OTUD7A: variants seen among roughly 807,000 people sequenced by gnomAD.
OTUD7A encodes OTU deubiquitinase 7A, also known as OTU domain-containing protein 7A.
OTUD7A carries 12 observed loss-of-function variants against 65.7 expected under a neutral mutation model. That is an observed-to-expected ratio of 0.18 (90% CI 0.12 to 0.30). OTUD7A has a LOEUF of 0.30. Ranked by LOEUF, OTUD7A falls within the 10% of genes least tolerant of loss-of-function variation. The pLI, the probability that OTUD7A is intolerant of heterozygous loss-of-function variation, is 1.00. For synonymous variants in OTUD7A, 641 were observed against 586.3 expected, an observed-to-expected ratio of 1.09 and a Z score of -1.35; for missense variants, 1,148 against 1,304.8, an observed-to-expected ratio of 0.88 and a Z score of 1.85.
At chr15:31,638,187 C>T (rs13380070) in intron 3 of OTUD7A, among the ~76,000 whole-genome samples, 16,430 of 151,914 alleles carry the variant, frequency 0.11, 2,416 homozygotes, top group African/African-American at 0.34. Flanking sequence ...CAGCAATCAC[C>T]ACCCTGATCA....
chr15:31,497,906 C>T (rs1778183994), intron 10 of OTUD7A, among the ~76,000 whole-genome samples: 1 of 152,204 alleles, frequency 6.6e-6, no homozygotes. Flanking sequence ...GGACCTAGAA[C>T]AGCCCTTGAG....
intron 1 of OTUD7A, among the ~76,000 whole-genome samples, chr15:31,748,544 T>C (rs995843333): frequency 2.6e-5 from 4 of 152,038 alleles, no homozygotes; most frequent in African/African-American, 9.7e-5. Context: ...ATGGGGTCCT[T>C]TGTGTCATTT....
At chr15:31,493,573 T>G (rs567063763) in intron 10 of OTUD7A, among the ~76,000 whole-genome samples, 1 of 152,370 alleles carries the variant, frequency 6.6e-6, no homozygotes, top group East Asian at 1.9e-4. Flanking sequence ...AGAGTATATA[T>G]TATTTTCAAA....
At chr15:31,627,809 T>G (rs1279789114) in intron 3 of OTUD7A, among the ~76,000 whole-genome samples, 2 of 152,364 alleles carry the variant, frequency 1.3e-5, no homozygotes, top group South Asian at 2.1e-4. Context: ...GGTATCTCAT[T>G]GTGGTTTCGA....
chr15:31,584,205 T>G (rs1463285804), intron 3 of OTUD7A, among the ~76,000 whole-genome samples: 3 of 152,206 alleles, frequency 2.0e-5, no homozygotes, highest in Non-Finnish European at 4.4e-5. Context: ...TTAAGGAACC[T>G]CTTAGCTCTT....
At chr15:31,535,936 T>C (rs1264089038) in intron 5 of OTUD7A, among the ~76,000 whole-genome samples, 1 of 152,106 alleles carries the variant, frequency 6.6e-6, no homozygotes, top group African/African-American at 2.4e-5. Flanking sequence ...CACCTCAGTC[T>C]CCCAAAGTGC....
Position 31,552,755 on chromosome 15 carries a change from C to T in OTUD7A, c.550+6214G>A, listed in dbSNP as rs144886155. On this transcript the variant is annotated intron_variant, in intron 5 of 12. Coordinates refer to ENST00000307050, the MANE Select transcript of OTUD7A (RefSeq NM_001382637.1). ...ACGCTGCACCTGGCCCACAAAGGAA[C>T]GTGGTATTTCCAGGCTTGCCCAGAG... 7.9e-5 allele frequency among the ~76,000 whole-genome samples: 12 copies of T among 152,350 alleles called. No individual in the cohort carries two copies. The East Asian group carries it at 2.3e-3, about 29-fold the overall frequency.
chr15:31,649,080 G>T (rs1426681699), intron 3 of OTUD7A, among the ~76,000 whole-genome samples: 1 of 152,168 alleles, frequency 6.6e-6, no homozygotes, highest in African/African-American at 2.4e-5. Flanking sequence ...CTGTAAAAAC[G>T]CTTACCTATA....
intron 1 of OTUD7A, among the ~76,000 whole-genome samples, chr15:31,756,991 C>A: frequency 6.6e-6 from 1 of 152,180 alleles, no homozygotes; most frequent in Admixed American, 6.5e-5. Context: ...GAGATCTCTC[C>A]TGTCTCCTCG....
chr15:31,861,358 G>A (rs6494001), intron 1 of OTUD7A, among the ~76,000 whole-genome samples: 90,852 of 151,960 alleles, frequency 0.6, 27,381 homozygotes, highest in East Asian at 0.69. Flanking sequence ...ACCACACACC[G>A]ATCTTCTAAT....
chr15:31,757,020 T>C (rs1319160493), intron 1 of OTUD7A, among the ~76,000 whole-genome samples: 1 of 152,168 alleles, frequency 6.6e-6, no homozygotes, highest in Admixed American at 6.5e-5. Context: ...GGAATGCCAC[T>C]GGACTGAGCA....
rs935580218 is a variant in OTUD7A at position 31,496,483 on chromosome 15, A to G, written c.1171+5207T>C. Among the ~76,000 whole-genome samples, 8 of 152,094 alleles carry G rather than the reference A, an allele frequency of 5.3e-5. No homozygotes were observed. In the East Asian group the frequency reaches 7.7e-4, roughly 15 times the overall value. ...GTGATCCGCCTGCCTCAGCCTCCCA[A>G]TGTGCTGGGATTACAGGCATGAGCC... On this transcript the variant is annotated intron_variant, in intron 10 of 12. Coordinates refer to ENST00000307050, the MANE Select transcript of OTUD7A (RefSeq NM_001382637.1).
Position 31,481,062 on chromosome 15 carries a change from TA to T in OTUD7A, c.*2231del, listed in dbSNP as rs1421330617. 4 of 152,270 alleles carry T rather than the reference TA, an allele frequency of 2.6e-5. No homozygotes were observed. The highest frequency in any genetic ancestry group is 5.9e-5 in the Non-Finnish European group (4 of 68,050). 9.4% of individuals were successfully genotyped at this position (152,270 alleles called of 1,614,324 possible). A position where few individuals can be genotyped will look rare whatever the true frequency, so the allele number is the denominator to read the frequency against. On this transcript the variant is annotated 3_prime_UTR_variant, in exon 13 of 13. Coordinates refer to ENST00000307050, the MANE Select transcript of OTUD7A (RefSeq NM_001382637.1). ...ACAATGGACGGTTTTTATTCTGTTTTATTTTTTTATTTTTTAAATTAGACAA... is the reference window on the plus strand; with the variant it reads ...ACAATGGACGGTTTTTATTCTGTTTTTTTTTTTATTTTTTAAATTAGACAA...
intron 1 of OTUD7A, among the ~76,000 whole-genome samples, chr15:31,814,947 C>T (rs1374546619): frequency 6.6e-6 from 1 of 152,150 alleles, no homozygotes; most frequent in Non-Finnish European, 1.5e-5. Flanking sequence ...AATACCCTGC[C>T]TTGCCATGGC....
At chr15:31,813,879 AC>A (rs1357470341) in intron 1 of OTUD7A, among the ~76,000 whole-genome samples, 2 of 151,984 alleles carry the variant, frequency 1.3e-5, no homozygotes, top group Non-Finnish European at 2.9e-5. Flanking sequence ...GGCTCTACTT[AC>A]GTTCACCTGA....
chr15:31,796,192 CTATCT>C (rs1895952686), intron 1 of OTUD7A, among the ~76,000 whole-genome samples: 1 of 1,864 alleles, frequency 5.4e-4, no homozygotes, highest in Non-Finnish European at 8.3e-3. Flanking sequence ...TATGCATTAT[CTATCT>C]ATCTATCTAT....
At chr15:31,583,083 C>T (rs1051932527) in intron 3 of OTUD7A, among the ~76,000 whole-genome samples, 2 of 152,226 alleles carry the variant, frequency 1.3e-5, no homozygotes, top group African/African-American at 2.4e-5. Flanking sequence ...CAAAATAAAG[C>T]AACAGCGTCC....
In OTUD7A at chr15:31,484,998, T is replaced by G. The variant is rs2041216453; in HGVS notation, c.1372-274A>C. On this transcript the variant is annotated intron_variant, in intron 12 of 12. Transcript: ENST00000307050. This position sits in a 1 kb window ranked among gnomAD's most constrained non-coding sequence, Gnocchi z 4.5. Reference sequence around the variant, plus strand: ...GCCAGGGAAGCTGGGGTGTACTCATTCTTTCTCTCTGGGGGACCTCAGGTA... The same window carrying G: ...GCCAGGGAAGCTGGGGTGTACTCATGCTTTCTCTCTGGGGGACCTCAGGTA... Among the ~76,000 whole-genome samples the G allele has an allele frequency of 1.3e-5, 2 of 152,200 alleles. No individual in the cohort carries two copies. The highest frequency in any genetic ancestry group is 4.1e-4 in the South Asian group (2 of 4,824).
chr15:31,651,582 C>T (rs1306486608), intron 3 of OTUD7A, among the ~76,000 whole-genome samples: 1 of 63,516 alleles, frequency 1.6e-5, no homozygotes, highest in African/African-American at 1.8e-4. Flanking sequence ...AACACACACA[C>T]ACACACACAC....
Sources: gnomAD v4.1 joint callset for allele counts (sites outside exome capture counted in the v4.1 genomes callset) on GRCh38, gnomAD v4.1.1 for gene constraint, Gnocchi (gnomAD v3.1) non-coding constraint, MANE v1.5 for transcripts, NCBI Gene and HGNC (gene_info 2026-07-23, HGNC 2026-07-21) for gene names.